TRAK2: variants seen among roughly 807,000 people sequenced by gnomAD.
TRAK2 encodes the protein trafficking kinesin protein 2.
In TRAK2, 81 loss-of-function variants were observed where a neutral mutation model predicts 104.6. That is an observed-to-expected ratio of 0.77 (90% CI 0.65 to 0.93). The LOEUF (loss-of-function observed/expected upper bound fraction) is 0.93, where lower values mean the gene tolerates loss of function less well. Ranked by LOEUF, TRAK2 falls within the 40% of genes least tolerant of loss-of-function variation. The pLI is 0.00. For synonymous variants in TRAK2, 406 were observed against 394.4 expected (o/e 1.03, Z -0.35); for missense variants, 1,002 against 1,089.0 (o/e 0.92, Z 1.12).
Position 201,420,501 on chromosome 2 carries a change from G to T in TRAK2, c.7C>A (p.Gln3Lys). The stretch of plus-strand genomic sequence containing the variant: ...GATGTAAAAATTGCATTCTGGGATT[G>T]ACTCATGCAGGATCCTTTCTTGCTT... MSQSQNAIFTSPT... is the reference protein window; with the variant it reads MSKSQNAIFTSPT... Residue 3 changes from glutamine (Q) to lysine (K), a missense_variant, in exon 2 of 16, where the codon CAA becomes AAA. Coordinates refer to ENST00000332624, the MANE Select transcript of TRAK2 (RefSeq NM_015049.3). 3 of 1,613,750 alleles carry T rather than the reference G, an allele frequency of 1.9e-6. No individual in the cohort carries two copies. The South Asian group carries it at 3.3e-5, about 18-fold the overall frequency.
chr2:201,402,284 G>A (rs1253791782), intron 3 of TRAK2, among the ~76,000 whole-genome samples: 2 of 151,952 alleles, frequency 1.3e-5, no homozygotes, highest in African/African-American at 2.4e-5. Flanking sequence ...GGGTGCCCAC[G>A]ACTGAGTATG....
At chr2:201,384,841 T>C (rs1951374037) in intron 14 of TRAK2, among the ~76,000 whole-genome samples, 1 of 152,182 alleles carries the variant, frequency 6.6e-6, no homozygotes, top group Non-Finnish European at 1.5e-5. Flanking sequence ...CTTTTTCCTG[T>C]TCTGTGTGAT....
rs111989206 is a variant in TRAK2, at chr2:201,397,649, T to C, written c.691-69A>G. The stretch of plus-strand genomic sequence containing the variant: ...TTATAGAAATAACTACAAAAACCTT[T>C]AATTCTCATTTGAAGACTAAATTTC... On this transcript the variant is annotated intron_variant, in intron 6 of 15. Coordinates refer to ENST00000332624, the MANE Select transcript of TRAK2 (RefSeq NM_015049.3). 79 of 1,144,226 alleles carry C rather than the reference T, an allele frequency of 6.9e-5. 1 individual carries two copies. In the African/African-American group the frequency reaches 9.2e-4, roughly 13 times the overall value. The allele number at this position is 1,144,226 out of a possible 1,614,324, so 70.9% of individuals were successfully genotyped here. A position where few individuals can be genotyped will look rare whatever the true frequency, so the allele number is the denominator to read the frequency against.
intron 1 of TRAK2, among the ~76,000 whole-genome samples, chr2:201,441,007 C>T (rs1056071826): frequency 4.6e-5 from 7 of 152,170 alleles, no homozygotes; most frequent in East Asian, 3.8e-4. Flanking sequence ...TTGCAAAATA[C>T]GTGCCTACTA....
intron 1 of TRAK2, among the ~76,000 whole-genome samples, chr2:201,430,306 T>C (rs1951831287): frequency 6.6e-6 from 1 of 152,224 alleles, no homozygotes. Flanking sequence ...AGTCTGTCTA[T>C]TCTCAGATCT....
intron 1 of TRAK2, among the ~76,000 whole-genome samples, chr2:201,421,504 C>A (rs1163572314): frequency 1.3e-5 from 2 of 152,186 alleles, no homozygotes; most frequent in African/African-American, 4.8e-5. Flanking sequence ...AGCAGAATCG[C>A]TTCCCCAGAC....
At chr2:201,386,168 G>A in intron 14 of TRAK2, 50 bp downstream of exon 14, 2 of 1,600,458 alleles carry the variant, frequency 1.2e-6, no homozygotes, top group South Asian at 1.1e-5. Context: ...AAGTCAGAAT[G>A]CAAAGTACTT....
chr2:201,395,400 C>T lies in TRAK2; in HGVS notation c.814G>A (p.Gly272Arg). 1 of 1,585,370 alleles carries T rather than the reference C, an allele frequency of 6.3e-7. No individual in the cohort carries two copies. ...QMSRMTEELS[G>R]KSDELIRYQE... ...TATCGAATCAGCTCATCACTCTTCC[C>T]TGACAATTCTTCAGTCATTCTGGAC... The change falls in exon 8 of 16, where the codon GGG (glycine) becomes AGG (arginine). Residue 272 changes from glycine to arginine, a missense_variant. Physicochemically the swap from Gly to Arg is moderately radical, Grantham distance 125. Transcript: ENST00000332624.
chr2:201,446,452 T>C (rs1020816091), intron 1 of TRAK2, among the ~76,000 whole-genome samples: 1 of 152,228 alleles, frequency 6.6e-6, no homozygotes, highest in Non-Finnish European at 1.5e-5. Context: ...TGCTCTTCTC[T>C]AAAACAGTTT....
At chr2:201,430,160 C>A (rs1951829245) in intron 1 of TRAK2, among the ~76,000 whole-genome samples, 1 of 152,156 alleles carries the variant, frequency 6.6e-6, no homozygotes, top group African/African-American at 2.4e-5. Context: ...GCAGAACAGC[C>A]AATGTTGCTG....
chr2:201,408,000 A>G (rs1380977001), intron 2 of TRAK2, among the ~76,000 whole-genome samples: 1 of 152,144 alleles, frequency 6.6e-6, no homozygotes, highest in East Asian at 1.9e-4. Context: ...AGGACATTCA[A>G]AATCCTACCT....
chr2:201,418,793 A>C (rs1951714914), intron 2 of TRAK2, among the ~76,000 whole-genome samples: 1 of 152,198 alleles, frequency 6.6e-6, no homozygotes, highest in African/African-American at 2.4e-5. Flanking sequence ...GTAGAAGTAA[A>C]AACTATAAAA....
At position 201,405,338 on chromosome 2, in the gene TRAK2, T is replaced by C. The variant is rs187776081; in HGVS notation, c.286+2065A>G. Among the ~76,000 whole-genome samples the C allele has an allele frequency of 2.3e-3, 346 of 152,334 alleles. 1 individual carries two copies. The highest frequency in any genetic ancestry group is 7.8e-3 in the African/African-American group (325 of 41,578). ...AATAATTTCTATGACCATATTTATC[T>C]GCAAAATTATACACTCTCTCCGATT... On this transcript the variant is annotated intron_variant, in intron 3 of 15. Transcript: ENST00000332624.
At position 201,434,124 on chromosome 2, in the gene TRAK2, A is replaced by AT. The variant is rs1205012513; in HGVS notation, c.-199-13419dup. Among the ~76,000 whole-genome samples the AT allele has an allele frequency of 2.6e-5, 4 of 151,992 alleles. No individual in the cohort carries two copies. The East Asian group carries it at 7.8e-4, about 29-fold the overall frequency. On this transcript the variant is annotated intron_variant, in intron 1 of 15. Coordinates refer to ENST00000332624, the MANE Select transcript of TRAK2 (RefSeq NM_015049.3). ...AGGCGTCCGCCACCGCGCCCGGCTA[A>AT]TTTTTTGTATTTTTAGTAGAGACGG...
At chr2:201,444,405 T>C (rs1437223486) in intron 1 of TRAK2, among the ~76,000 whole-genome samples, 1 of 151,538 alleles carries the variant, frequency 6.6e-6, no homozygotes, top group Non-Finnish European at 1.5e-5. Flanking sequence ...AGACCTTTTG[T>C]TACTTCTTTT....
chr2:201,400,468 G>A (rs763169433), intron 4 of TRAK2, among the ~76,000 whole-genome samples: 2 of 151,940 alleles, frequency 1.3e-5, no homozygotes, highest in Admixed American at 1.3e-4. Flanking sequence ...TGGAGAGCTG[G>A]GGGGAGAGGG....
In TRAK2 at chr2:201,386,240, A is replaced by G. The variant is rs1559437000; in HGVS notation, c.1941T>C (p.Thr647=). The G allele has an allele frequency of 6.2e-7, 1 of 1,614,174 alleles. No individual in the cohort carries two copies. Among genetic ancestry groups the G allele is most frequent in the Non-Finnish European group, 8.5e-7 (1 of 1,180,000 alleles). Residue 647 remains threonine (T), a synonymous_variant, in exon 14 of 16, where the codon ACT becomes ACC. Transcript: ENST00000332624. ...CACCTGTAACTGGTCCACCTGCTGAAGTAATGGGTGGCAGGAAGATCCCTG... is the reference window on the plus strand; with the variant it reads ...CACCTGTAACTGGTCCACCTGCTGAGGTAATGGGTGGCAGGAAGATCCCTG... ...PVTGIFLPPI[T]SAGGPVTVAT...
intron 15 of TRAK2, among the ~76,000 whole-genome samples, chr2:201,382,658 A>C (rs1288555871): frequency 6.6e-6 from 1 of 152,214 alleles, no homozygotes; most frequent in Non-Finnish European, 1.5e-5. Context: ...CTATAAGAAC[A>C]ATGTAGAAAA....
intron 2 of TRAK2, among the ~76,000 whole-genome samples, chr2:201,418,672 A>G (rs1055413801): frequency 6.6e-6 from 1 of 152,218 alleles, no homozygotes; most frequent in African/African-American, 2.4e-5. Flanking sequence ...TAAAGAGACC[A>G]TTTTTAACAA....
Sources: gnomAD v4.1 joint callset for allele counts (sites outside exome capture counted in the v4.1 genomes callset) on GRCh38, gnomAD v4.1.1 for gene constraint, MANE v1.5 for transcripts, NCBI Gene and HGNC (gene_info 2026-07-23, HGNC 2026-07-21) for gene names.